Variants in IFT46 observed in about 807,000 individuals in gnomAD.
The protein encoded by IFT46 is intraflagellar transport 46.
Under a neutral mutation model 39.6 loss-of-function variants are expected in IFT46, and 19 were observed. That is an observed-to-expected ratio of 0.48 (90% confidence interval 0.33 to 0.70). The LOEUF (loss-of-function observed/expected upper bound fraction) is 0.70. Ranked by LOEUF, IFT46 falls within the 30% of genes least tolerant of loss-of-function variation. IFT46 has a pLI of 0.01. For synonymous variants in IFT46, 117 were observed against 134.8 expected, an observed-to-expected ratio of 0.87 and a Z score of 0.91; for missense variants, 334 against 364.8, an observed-to-expected ratio of 0.92 and a Z score of 0.69.
chr11:118,559,209 G>A (rs1937947687), intron 3 of IFT46, among the ~76,000 whole-genome samples: 1 of 151,950 alleles, frequency 6.6e-6, no homozygotes, highest in Non-Finnish European at 1.5e-5. Context: ...CAACTCTAAG[G>A]TCCTATATGT....
At chr11:118,560,418 C>A (rs1322995501) in intron 2 of IFT46, 3 of 148,706 alleles carry the variant, frequency 2.0e-5, no homozygotes, top group African/African-American at 6.6e-5. Flanking sequence ...AGAGTGAGAG[C>A]CTGTCAGAAA....
chr11:118,554,350 C>A, intron 7 of IFT46, 109 bp downstream of exon 7: 3 of 1,181,052 alleles, frequency 2.5e-6, no homozygotes, highest in Non-Finnish European at 3.5e-6. Context: ...GCCACCGCAC[C>A]CAGGCCCATC....
chr11:118,568,662 T>G (rs1265891266), upstream of IFT46, among the ~76,000 whole-genome samples: 2 of 152,062 alleles, frequency 1.3e-5, no homozygotes, highest in African/African-American at 4.8e-5. Flanking sequence ...TTGTACCCAT[T>G]GTCACTTTTT....
chr11:118,566,016 G>A (rs1301553008), upstream of IFT46: 1 of 152,202 alleles, frequency 6.6e-6, no homozygotes, highest in Admixed American at 6.5e-5. Context: ...CTCCACGCAG[G>A]AAGAAGATCA....
chr11:118,571,546 C>T (rs1178900444), intron 1 of IFT46, among the ~76,000 whole-genome samples: 1 of 152,348 alleles, frequency 6.6e-6, no homozygotes, highest in Non-Finnish European at 1.5e-5. Flanking sequence ...CATTCATCCT[C>T]ACCAACAATT....
At position 118,545,795 on chromosome 11, in the gene IFT46, C is replaced by T. The variant is rs1951669005; in HGVS notation, c.731G>A (p.Cys244Tyr). 6.2e-7 allele frequency: 1 copy of T among 1,614,014 alleles called. No homozygotes were observed. The highest frequency in any genetic ancestry group is 8.5e-7 in the Non-Finnish European group (1 of 1,179,956). The change falls in exon 10 of 12, where the codon TGT becomes TAT. Residue 244 changes from cysteine to tyrosine, a missense_variant and splice_region_variant. Physicochemically the swap from Cys to Tyr is radical, Grantham distance 194 (BLOSUM62 -2). Transcript: ENST00000264021. Reference sequence around the variant, plus strand: ...GAGGAAAGGAAAGAGGAACTCACCACAGATCATGTCAATGTACTCTGCCAG... The same window carrying T: ...GAGGAAAGGAAAGAGGAACTCACCATAGATCATGTCAATGTACTCTGCCAG... ...CSLAEYIDMI[C>Y]AILDIPVYKS...
intron 8 of IFT46, 98 bp from the exon 9 acceptor site, chr11:118,551,950 C>A (rs1565346327): frequency 3.1e-5 from 39 of 1,251,002 alleles, no homozygotes; most frequent in Non-Finnish European, 3.8e-5. Context: ...GGTCTTCAAT[C>A]TGGCACATCA....
chr11:118,547,898 C>G (rs1432836859), intron 9 of IFT46, among the ~76,000 whole-genome samples: 1 of 151,560 alleles, frequency 6.6e-6, no homozygotes, highest in East Asian at 1.9e-4. Context: ...AGGCGCCCGC[C>G]ACAGCGCCCG....
At chr11:118,554,691 T>A in intron 6 of IFT46, 104 bp from the exon 7 acceptor site, 4 of 1,164,076 alleles carry the variant, frequency 3.4e-6, no homozygotes, top group Non-Finnish European at 4.9e-6. Context: ...AAAGCATGCT[T>A]ATCATGCTGT....
In IFT46 at chr11:118,544,870, G is replaced by A; in HGVS notation, c.*46C>T. The A allele has an allele frequency of 7.3e-7, 1 of 1,361,966 alleles. No homozygotes were observed. Among genetic ancestry groups the A allele is most frequent in the Non-Finnish European group, 1.0e-6 (1 of 954,248 alleles). 84.4% of individuals were successfully genotyped at this position (1,361,966 alleles called of 1,614,324 possible). ...ACAACGATCTGTCCATCTCAGCTGG[G>A]GCAGAGGGGCCAGCTCAGCCTTGAA... On this transcript the variant is annotated 3_prime_UTR_variant, in exon 12 of 12. Transcript: ENST00000264021.
At chr11:118,576,353 T>G (rs1184762567), upstream of IFT46, among the ~76,000 whole-genome samples, 2 of 150,122 alleles carry the variant, frequency 1.3e-5, no homozygotes, top group Non-Finnish European at 3.0e-5. Flanking sequence ...GGGCCCTCAG[T>G]TTTCACATCT....
chr11:118,576,779 A>C (rs533883778), upstream of IFT46, among the ~76,000 whole-genome samples: 1 of 152,172 alleles, frequency 6.6e-6, no homozygotes, highest in East Asian at 1.9e-4. Context: ...TAGTATGGGG[A>C]ACTATGGTCC....
At chr11:118,551,697 A>C in intron 9 of IFT46, 89 bp downstream of exon 9, 1 of 923,348 alleles carries the variant, frequency 1.1e-6, no homozygotes. Context: ...AAAAGTTACC[A>C]ATAATAATAA....
chr11:118,557,625 T>C (rs1937884431), intron 3 of IFT46: 5 of 1,256,242 alleles, frequency 4.0e-6, no homozygotes, highest in Non-Finnish European at 5.7e-6. Context: ...TTTCTCTTCA[T>C]GGAGTATCTG....
upstream of IFT46, among the ~76,000 whole-genome samples, chr11:118,575,908 A>G (rs2508992): frequency 6.6e-6 from 1 of 152,062 alleles, no homozygotes. Flanking sequence ...ATATTGTTCC[A>G]AAGTGGTTAG....
upstream of IFT46, among the ~76,000 whole-genome samples, chr11:118,568,320 C>T (rs1938270403): frequency 6.6e-6 from 1 of 152,092 alleles, no homozygotes; most frequent in Non-Finnish European, 1.5e-5. Context: ...GAGGCCGAGG[C>T]AGGTGGATCA....
intron 11 of IFT46, 120 bp from the exon 12 acceptor site, chr11:118,545,131 G>C: frequency 2.4e-6 from 2 of 817,818 alleles, no homozygotes; most frequent in South Asian, 3.3e-5. Context: ...CATTCATGAG[G>C]GAACTTGGTT....
At chr11:118,569,089 T>C (rs1938286448), upstream of IFT46, among the ~76,000 whole-genome samples, 1 of 150,462 alleles carries the variant, frequency 6.6e-6, no homozygotes, top group South Asian at 2.2e-4. Flanking sequence ...AAGACCAGCC[T>C]GGCCATGGTG....
chr11:118,557,922 G>T (rs781967471), intron 3 of IFT46: 1 of 1,542,070 alleles, frequency 6.5e-7, no homozygotes, highest in East Asian at 2.3e-5. Flanking sequence ...CCCTTTAAAA[G>T]TAGGTTTTCA....
Sources: allele counts gnomAD v4.1 joint callset (sites outside exome capture counted in the v4.1 genomes callset), GRCh38; gene constraint gnomAD v4.1.1; transcripts MANE v1.5; gene names NCBI Gene and HGNC (gene_info 2026-07-23, HGNC 2026-07-21).